The following JAKMIP1 variants were observed in gnomAD, a reference collection of about 807,000 sequenced individuals.
The protein encoded by JAKMIP1 is janus kinase and microtubule-interacting protein 1.
In JAKMIP1, 33 loss-of-function variants were observed where a neutral mutation model predicts 113.0. That is an observed-to-expected ratio of 0.29 (90% CI 0.22 to 0.39). JAKMIP1 has a LOEUF of 0.39. Among genes scored for constraint, JAKMIP1 ranks in the 10% least tolerant of loss-of-function variants. The pLI is 1.00. For synonymous variants in JAKMIP1, 480 were observed against 459.9 expected (o/e 1.04, Z -0.56); for missense variants, 813 against 1,080.5 (o/e 0.75, Z 3.47).
chr4:6,090,917 C>G (rs1721982582), intron 3 of JAKMIP1, among the ~76,000 whole-genome samples: 2 of 152,180 alleles, frequency 1.3e-5, no homozygotes, highest in African/African-American at 4.8e-5. Context: ...GTCAAAACCC[C>G]ACGTTGACCA....
chr4:6,144,378 A>C (rs1407870658), intron 1 of JAKMIP1, among the ~76,000 whole-genome samples: 1 of 152,262 alleles, frequency 6.6e-6, no homozygotes, highest in Non-Finnish European at 1.5e-5. Flanking sequence ...TTCTCAACTC[A>C]TTCTGTGAAG....
At chr4:6,126,891 A>G (rs1717749336) in intron 1 of JAKMIP1, among the ~76,000 whole-genome samples, 1 of 151,810 alleles carries the variant, frequency 6.6e-6, no homozygotes, top group Non-Finnish European at 1.5e-5. Context: ...TGCCACATAC[A>G]CACACACACC....
intron 17 of JAKMIP1, among the ~76,000 whole-genome samples, chr4:6,041,229 A>G (rs1214705007): frequency 6.6e-6 from 1 of 152,138 alleles, no homozygotes; most frequent in Admixed American, 6.5e-5. Flanking sequence ...ATCTCTTTTT[A>G]TGACTGATTT....
At chr4:6,101,244 A>T (rs1712969776) in intron 3 of JAKMIP1, among the ~76,000 whole-genome samples, 1 of 151,416 alleles carries the variant, frequency 6.6e-6, no homozygotes, top group South Asian at 2.1e-4. Context: ...TAGACTTCAT[A>T]CTCTATATAC....
At chr4:6,118,417 G>T (rs1443060726) in intron 1 of JAKMIP1, among the ~76,000 whole-genome samples, 1 of 152,136 alleles carries the variant, frequency 6.6e-6, no homozygotes, top group Non-Finnish European at 1.5e-5. Flanking sequence ...ACAGACAAAT[G>T]ACATGGAGGC....
intron 1 of JAKMIP1, among the ~76,000 whole-genome samples, chr4:6,118,158 A>G (rs1716119796): frequency 1.3e-5 from 2 of 152,372 alleles, no homozygotes; most frequent in South Asian, 4.1e-4. Context: ...AAAGACAGGC[A>G]TAAGAAATTA....
rs577695319 is a variant in JAKMIP1, at chr4:6,049,315, C to T, written c.1963-393G>A. Among the ~76,000 whole-genome samples, 24 of 152,310 alleles carry T rather than the reference C, an allele frequency of 1.6e-4. No individual in the cohort carries two copies. The highest frequency in any genetic ancestry group is 5.3e-4 in the African/African-American group (22 of 41,574). On this transcript the variant is annotated intron_variant, in intron 15 of 20. Coordinates refer to ENST00000409021, the MANE Select transcript of JAKMIP1 (RefSeq NM_001099433.2). The surrounding 1 kb of genome is among the most constrained non-coding windows in gnomAD (Gnocchi z 7.0). ...CCTTCCAAAGTGCTGGGATTACAGG[C>T]GTGAGCCACCATGCCCCGCCAACAC...
chr4:6,169,003 G>T lies in JAKMIP1; in HGVS notation c.-148+31250C>A, dbSNP rs930379145. ...AGTTGGTGGTGGGGACTGTTAATAG[G>T]CATTGGATTTCTTTCTGGGGAGATT... On this transcript the variant is annotated intron_variant, in intron 1 of 20. Coordinates refer to ENST00000409021, the MANE Select transcript of JAKMIP1 (RefSeq NM_001099433.2). 7.9e-5 allele frequency among the ~76,000 whole-genome samples: 12 copies of T among 152,152 alleles called. 2 individuals carry two copies.
At chr4:6,171,178 C>CACCATTCCCACTGCCAT (rs1473241938) in intron 1 of JAKMIP1, among the ~76,000 whole-genome samples, 18 of 145,922 alleles carry the variant, frequency 1.2e-4, no homozygotes, top group Non-Finnish European at 2.3e-4. Flanking sequence ...TCACCATTAC[C>CACCATTCCCACTGCCAT]ACCACCATCA....
intron 18 of JAKMIP1, among the ~76,000 whole-genome samples, chr4:6,037,651 A>G (rs1346309387): frequency 6.9e-6 from 1 of 144,632 alleles, no homozygotes; most frequent in African/African-American, 2.6e-5. Context: ...AGGTTAACCC[A>G]GTAGCCCTCC....
At chr4:6,084,996 T>TA in intron 4 of JAKMIP1, 31 bp from the exon 5 acceptor site, 1 of 808,638 alleles carries the variant, frequency 1.2e-6, no homozygotes. Context: ...AAAAAAAAAG[T>TA]CAAGACGTAA....
At chr4:6,036,352 G>A (rs1713438831) in intron 18 of JAKMIP1, among the ~76,000 whole-genome samples, 1 of 152,168 alleles carries the variant, frequency 6.6e-6, no homozygotes, top group African/African-American at 2.4e-5. Flanking sequence ...GCACAAGAGG[G>A]GACAAAGGCA....
chr4:6,155,959 T>G lies in JAKMIP1; in HGVS notation c.-147-42962A>C, dbSNP rs1180598047. Among the ~76,000 whole-genome samples the G allele has an allele frequency of 6.6e-6, 1 of 152,220 alleles. No individual in the cohort carries two copies. The highest frequency in any genetic ancestry group is 6.5e-5 in the Admixed American group (1 of 15,284). ...ACCGCTGCTGGGGATGAATATCTACTGCCACGGAAAGGGTCAGCTCTGTGA... is the reference window on the plus strand; with the variant it reads ...ACCGCTGCTGGGGATGAATATCTACGGCCACGGAAAGGGTCAGCTCTGTGA... On this transcript the variant is annotated intron_variant, in intron 1 of 20. Transcript: ENST00000409021. The surrounding 1 kb of genome is among the most constrained non-coding windows in gnomAD (Gnocchi z 6.1).
intron 3 of JAKMIP1, among the ~76,000 whole-genome samples, chr4:6,103,515 A>C (rs1477828681): frequency 6.6e-6 from 1 of 152,226 alleles, no homozygotes; most frequent in East Asian, 1.9e-4. Flanking sequence ...CACTGGCTTC[A>C]TAAGTTAGTT....
At position 6,093,928 on chromosome 4, in the gene JAKMIP1, T is replaced by C. The variant is rs890575288; in HGVS notation, c.625-8299A>G. On this transcript the variant is annotated intron_variant, in intron 3 of 20. Coordinates refer to ENST00000409021, the MANE Select transcript of JAKMIP1 (RefSeq NM_001099433.2). This position sits in a 1 kb window ranked among gnomAD's most constrained non-coding sequence, Gnocchi z 4.6. ...CCTGCCCAGGAGGCTGCAAGTTCCCTCTTTTCTGCCACCCTGGCTCGGCTG... is the reference window on the plus strand; with the variant it reads ...CCTGCCCAGGAGGCTGCAAGTTCCCCCTTTTCTGCCACCCTGGCTCGGCTG... Among the ~76,000 whole-genome samples, 1 of 152,180 alleles carries C rather than the reference T, an allele frequency of 6.6e-6. No individual in the cohort carries two copies. Among genetic ancestry groups the C allele is most frequent in the African/African-American group, 2.4e-5 (1 of 41,528 alleles).
chr4:6,103,442 T>C (rs1024109152), intron 3 of JAKMIP1, among the ~76,000 whole-genome samples: 6 of 152,228 alleles, frequency 3.9e-5, no homozygotes, highest in Non-Finnish European at 8.8e-5. Context: ...GTATCTATGT[T>C]CATAAAAGGT....
chr4:6,109,660 C>A (rs1400179067), intron 2 of JAKMIP1, among the ~76,000 whole-genome samples: 1 of 152,014 alleles, frequency 6.6e-6, no homozygotes, highest in Non-Finnish European at 1.5e-5. Flanking sequence ...TCAGCCCAGG[C>A]ATGGAGCATG....
At chr4:6,126,451 G>A (rs1310210357) in intron 1 of JAKMIP1, among the ~76,000 whole-genome samples, 3 of 135,702 alleles carry the variant, frequency 2.2e-5, no homozygotes, top group African/African-American at 8.6e-5. Context: ...ACACCATGCA[G>A]AAACACACAT....
rs1041723460 is a variant in JAKMIP1 at position 6,106,902 on chromosome 4, G to A, written c.130-935C>T. 2.0e-5 allele frequency among the ~76,000 whole-genome samples: 3 copies of A among 152,120 alleles called. No individual in the cohort carries two copies. The highest frequency in any genetic ancestry group is 2.9e-5 in the Non-Finnish European group (2 of 68,028). On this transcript the variant is annotated intron_variant, in intron 2 of 20. Coordinates refer to ENST00000409021, the MANE Select transcript of JAKMIP1 (RefSeq NM_001099433.2). This position sits in a 1 kb window ranked among gnomAD's most constrained non-coding sequence, Gnocchi z 5.9. ...GGACAAGCTGCTTCCAGGGAAAATG[G>A]CAATGTTTTTCCCCAGACCACACTG...
Sources: allele counts gnomAD v4.1 joint callset (sites outside exome capture counted in the v4.1 genomes callset), GRCh38; gene constraint gnomAD v4.1.1; non-coding constraint Gnocchi (gnomAD v3.1); transcripts MANE v1.5; gene names NCBI Gene and HGNC (gene_info 2026-07-23, HGNC 2026-07-21).